COBL: variants seen among roughly 807,000 people sequenced by gnomAD.
COBL encodes the protein cordon-bleu WH2 repeat protein, also known as protein cordon-bleu.
Under a neutral mutation model 98.8 loss-of-function variants are expected in COBL, and 51 were observed. The ratio of observed to expected loss-of-function variants is 0.52; its 90% CI spans 0.41 to 0.65. The LOEUF (loss-of-function observed/expected upper bound fraction) is 0.65. Ranked by LOEUF, COBL falls within the 30% of genes least tolerant of loss-of-function variation. The probability of loss-of-function intolerance (pLI) is 0.00; values close to 1 mark genes in which losing one functional copy is unlikely to be tolerated. For synonymous variants in COBL, 634 were observed against 651.7 expected, an observed-to-expected ratio of 0.97 and a Z score of 0.41; for missense variants, 1,617 against 1,617.5, an observed-to-expected ratio of 1.00 and a Z score of 0.01.
chr7:51,187,309 A>AGT (rs1789621968), intron 4 of COBL, among the ~76,000 whole-genome samples: 2 of 90,164 alleles, frequency 2.2e-5, no homozygotes, highest in South Asian at 4.0e-4. Flanking sequence ...TATATGTTTA[A>AGT]GTATATATAT....
intron 1 of COBL, among the ~76,000 whole-genome samples, chr7:51,226,843 T>G (rs920239020): frequency 6.6e-6 from 1 of 152,178 alleles, no homozygotes; most frequent in African/African-American, 2.4e-5. Flanking sequence ...ACACTGTGTA[T>G]GTTCAATACC....
chr7:51,182,857 G>A (rs952884460), intron 5 of COBL, among the ~76,000 whole-genome samples: 1 of 152,154 alleles, frequency 6.6e-6, no homozygotes, highest in Non-Finnish European at 1.5e-5. Flanking sequence ...AGCTTCAGCA[G>A]AGGTGAATCT....
In COBL at chr7:51,034,838, A is replaced by G. The variant is rs1430302548; in HGVS notation, c.1407-3929T>C. 2 of 152,226 alleles carry G rather than the reference A, an allele frequency of 1.3e-5. 1 individual carries two copies. The highest frequency in any genetic ancestry group is 2.9e-5 in the Non-Finnish European group (2 of 68,056). 9.4% of individuals were successfully genotyped at this position (152,226 alleles called of 1,614,324 possible). On this transcript the variant is annotated intron_variant, in intron 8 of 12. Coordinates refer to ENST00000265136, the MANE Select transcript of COBL (RefSeq NM_015198.5). ...ATCTTTAGAAACGTTCCTTATTGAC[A>G]GTTTGTTCTGGCTTAAGATCAAGGA... is the stretch of plus-strand genomic sequence containing the variant.
At chr7:51,043,767 G>A in intron 7 of COBL, 75 bp from the exon 8 acceptor site, 2 of 1,320,372 alleles carry the variant, frequency 1.5e-6, no homozygotes, top group Non-Finnish European at 2.1e-6. Context: ...TGTGACATCA[G>A]TCTGTCGGCC....
intron 12 of COBL, among the ~76,000 whole-genome samples, chr7:51,024,094 G>A (rs931330005): frequency 6.6e-6 from 1 of 152,140 alleles, no homozygotes; most frequent in African/African-American, 2.4e-5. Flanking sequence ...CGGATCATGA[G>A]GTCAGGAGAT....
At chr7:51,053,929 C>G (rs540043562) in intron 7 of COBL, among the ~76,000 whole-genome samples, 3 of 152,362 alleles carry the variant, frequency 2.0e-5, no homozygotes, top group Non-Finnish European at 4.4e-5. Flanking sequence ...GCCTGTAATC[C>G]CAGCACTTTG....
intron 7 of COBL, chr7:51,082,944 A>T (rs1312299249): frequency 4.3e-6 from 4 of 936,432 alleles, no homozygotes; most frequent in Non-Finnish European, 6.6e-6. Flanking sequence ...GCTGAGAAGG[A>T]AAGGCACACA....
chr7:51,264,211 T>C (rs535618405), intron 1 of COBL, among the ~76,000 whole-genome samples: 8 of 152,226 alleles, frequency 5.3e-5, no homozygotes, highest in African/African-American at 1.9e-4. Context: ...AGCCCATGTG[T>C]TGGGGATCTG....
chr7:51,144,804 G>A (rs1456125032), intron 5 of COBL, among the ~76,000 whole-genome samples: 1 of 152,106 alleles, frequency 6.6e-6, no homozygotes, highest in Non-Finnish European at 1.5e-5. Flanking sequence ...AACAATATAT[G>A]ATCTTTGTGT....
intron 6 of COBL, among the ~76,000 whole-genome samples, chr7:51,105,030 A>T (rs1796133641): frequency 6.6e-6 from 1 of 152,098 alleles, no homozygotes; most frequent in South Asian, 2.1e-4. Flanking sequence ...GGGACGGGGT[A>T]TAACCTTAAA....
chr7:51,159,149 C>CCGCG (rs1786523832), intron 5 of COBL, among the ~76,000 whole-genome samples: 1 of 152,164 alleles, frequency 6.6e-6, no homozygotes, highest in Non-Finnish European at 1.5e-5. Context: ...CACCTGGCGG[C>CCGCG]CGCGCGCGCT....
intron 6 of COBL, among the ~76,000 whole-genome samples, chr7:51,094,669 A>G (rs1795116606): frequency 1.3e-5 from 2 of 152,192 alleles, no homozygotes; most frequent in African/African-American, 4.8e-5. Context: ...ATGAAAGCAT[A>G]TGAATATATA....
chr7:51,187,331 T>TACACACACAC (rs1303777271), intron 4 of COBL, among the ~76,000 whole-genome samples: 4 of 101,420 alleles, frequency 3.9e-5, no homozygotes, highest in African/African-American at 1.4e-4. Context: ...TATATATATA[T>TACACACACAC]ACACACACAC....
intron 8 of COBL, among the ~76,000 whole-genome samples, chr7:51,042,823 C>T (rs1789335194): frequency 6.6e-6 from 1 of 152,206 alleles, no homozygotes; most frequent in South Asian, 2.1e-4. Context: ...TACATGCTGG[C>T]AAAGCTCAAG....
At chr7:51,147,748 CT>C (rs1363192713) in intron 5 of COBL, among the ~76,000 whole-genome samples, 1 of 149,708 alleles carries the variant, frequency 6.7e-6, no homozygotes, top group Non-Finnish European at 1.5e-5. Flanking sequence ...GTTGATTTTT[CT>C]TTTCTTTTTT....
chr7:51,220,405 A>G (rs1793522560), intron 1 of COBL, among the ~76,000 whole-genome samples: 1 of 152,138 alleles, frequency 6.6e-6, no homozygotes, highest in African/African-American at 2.4e-5. Context: ...TGGATCCATG[A>G]TCTCGAGGAT....
chr7:51,279,935 G>T (rs1799664745), intron 1 of COBL, among the ~76,000 whole-genome samples: 1 of 152,048 alleles, frequency 6.6e-6, no homozygotes, highest in South Asian at 2.1e-4. Context: ...TCTTTCTATG[G>T]CTTGATGGCT....
At chr7:51,128,745 C>T (rs1275304809) in intron 6 of COBL, among the ~76,000 whole-genome samples, 1 of 152,240 alleles carries the variant, frequency 6.6e-6, no homozygotes, top group Non-Finnish European at 1.5e-5. Flanking sequence ...TAAGACAGTG[C>T]TGTGCCATGC....
Position 51,209,507 on chromosome 7 carries a change from TTCAACTCAATGAAGAGC to T in COBL, c.245+10217_245+10233del, listed in dbSNP as rs1308670713. ...TTCTTTCAGATACTGGGTAAAAACCTTCAACTCAATGAAGAGCTCCAGGAAACAAAACAGGGAGAACA... is the reference window on the plus strand; with the variant it reads ...TTCTTTCAGATACTGGGTAAAAACCTTCCAGGAAACAAAACAGGGAGAACA... On this transcript the variant is annotated intron_variant, in intron 2 of 12. Transcript: ENST00000265136. Among the ~76,000 whole-genome samples, 3 of 152,094 alleles carry T rather than the reference TTCAACTCAATGAAGAGC, an allele frequency of 2.0e-5. No individual in the cohort carries two copies. The East Asian group carries it at 5.8e-4, about 29-fold the overall frequency.
Sources: gnomAD v4.1 joint callset for allele counts (sites outside exome capture counted in the v4.1 genomes callset) on GRCh38, gnomAD v4.1.1 for gene constraint, MANE v1.5 for transcripts, NCBI Gene and HGNC (gene_info 2026-07-23, HGNC 2026-07-21) for gene names.